The following FLRT1 variants were observed in gnomAD, a reference collection of about 807,000 sequenced individuals.
FLRT1 encodes fibronectin leucine rich transmembrane protein 1.
A neutral mutation model predicts 30.9 loss-of-function variants in FLRT1; 14 were observed. The ratio of observed to expected loss-of-function variants is 0.45; its 90% confidence interval spans 0.30 to 0.71. The LOEUF is 0.71. Ranked by LOEUF, FLRT1 falls within the 30% of genes least tolerant of loss-of-function variation. FLRT1 has a pLI of 0.08. For synonymous variants in FLRT1, 368 were observed against 430.4 expected (o/e 0.85, Z 1.80); for missense variants, 737 against 949.2 (o/e 0.78, Z 2.94).
intron 1 of FLRT1, among the ~76,000 whole-genome samples, chr11:64,077,765 G>A (rs1944229665): frequency 6.6e-6 from 1 of 152,232 alleles, no homozygotes; most frequent in African/African-American, 2.4e-5. Flanking sequence ...GGAGTCCCCA[G>A]CCCGTGGCTG....
chr11:64,088,437 G>A (rs544434517), intron 1 of FLRT1, among the ~76,000 whole-genome samples: 2 of 152,326 alleles, frequency 1.3e-5, no homozygotes, highest in East Asian at 1.9e-4. Flanking sequence ...TGTGAGCCCT[G>A]CAGGTGCGGC....
intron 1 of FLRT1, among the ~76,000 whole-genome samples, chr11:64,091,786 GCCCTCCTGA>G (rs1286725670): frequency 6.6e-6 from 1 of 152,178 alleles, no homozygotes; most frequent in Non-Finnish European, 1.5e-5. Flanking sequence ...TCCCACAACA[GCCCTCCTGA>G]CAGTGGGCCA....
In FLRT1 at chr11:64,067,233, C is replaced by A. The variant is rs1461483401; in HGVS notation, c.-1038+31074C>A. 6.6e-6 allele frequency among the ~76,000 whole-genome samples: 1 copy of A among 152,106 alleles called. No individual in the cohort carries two copies. Among genetic ancestry groups the A allele is most frequent in the Admixed American group, 6.5e-5 (1 of 15,272 alleles). On this transcript the variant is annotated intron_variant, in intron 1 of 2. Transcript: ENST00000682287. This position sits in a 1 kb window ranked among gnomAD's most constrained non-coding sequence, Gnocchi z 4.6. ...ATGGGAGGGGTGGGGAGAGGCCTTGCATGGCACCCACTCCCACCTGTGCGG... is the reference window on the plus strand; with the variant it reads ...ATGGGAGGGGTGGGGAGAGGCCTTGAATGGCACCCACTCCCACCTGTGCGG...
chr11:64,046,566 T>C (rs1422831638), intron 1 of FLRT1, among the ~76,000 whole-genome samples: 1 of 152,170 alleles, frequency 6.6e-6, no homozygotes, highest in African/African-American at 2.4e-5. Context: ...TTTTTTTCTT[T>C]TTGAGACGGA....
At chr11:64,106,890 A>T (rs11231697) in intron 2 of FLRT1, among the ~76,000 whole-genome samples, 4,484 of 150,262 alleles carry the variant, frequency 0.03, 189 homozygotes, top group African/African-American at 0.095. Context: ...ATTTTATTTT[A>T]TTTTTTTTTG....
intron 1 of FLRT1, among the ~76,000 whole-genome samples, chr11:64,055,963 G>GA (rs1240966751): frequency 1.3e-5 from 2 of 152,162 alleles, no homozygotes; most frequent in African/African-American, 4.8e-5. Context: ...AGCACCCGGG[G>GA]AGCTCCTGGG....
chr11:64,107,304 G>A (rs1327886450), intron 2 of FLRT1, among the ~76,000 whole-genome samples: 1 of 152,190 alleles, frequency 6.6e-6, no homozygotes, highest in Non-Finnish European at 1.5e-5. Context: ...AATGCCGAGA[G>A]AGAAAGGAAC....
chr11:64,059,636 T>C (rs886238412), intron 1 of FLRT1, among the ~76,000 whole-genome samples: 34 of 152,232 alleles, frequency 2.2e-4, no homozygotes, highest in African/African-American at 7.9e-4. Flanking sequence ...CTTGGATGGA[T>C]GGTGGGCCAG....
At chr11:64,076,013 G>A (rs1380568846) in intron 1 of FLRT1, among the ~76,000 whole-genome samples, 1 of 152,210 alleles carries the variant, frequency 6.6e-6, no homozygotes, top group Non-Finnish European at 1.5e-5. Flanking sequence ...TCAGGCTGGG[G>A]TGAAGGAAGC....
intron 1 of FLRT1, among the ~76,000 whole-genome samples, chr11:64,043,436 A>G (rs1010836983): frequency 6.6e-6 from 1 of 151,982 alleles, no homozygotes; most frequent in Non-Finnish European, 1.5e-5. Context: ...GGAGCAGTGG[A>G]CTCTAAACGC....
chr11:64,101,371 A>T (rs1944667801), intron 1 of FLRT1, among the ~76,000 whole-genome samples: 1 of 152,178 alleles, frequency 6.6e-6, no homozygotes, highest in Non-Finnish European at 1.5e-5. Flanking sequence ...TGAACACACC[A>T]GTGGGATGAA....
At chr11:64,063,202 C>T (rs1021088372) in intron 1 of FLRT1, among the ~76,000 whole-genome samples, 25 of 152,066 alleles carry the variant, frequency 1.6e-4, no homozygotes, top group African/African-American at 6.0e-4. Context: ...GCTTAGGGTA[C>T]ACAGAGAGGT....
chr11:64,062,776 G>C (rs191002280), intron 1 of FLRT1, among the ~76,000 whole-genome samples: 2 of 152,282 alleles, frequency 1.3e-5, no homozygotes, highest in African/African-American at 4.8e-5. Flanking sequence ...AGGCCGGGCA[G>C]GTCTGGGGTG....
intron 2 of FLRT1, among the ~76,000 whole-genome samples, chr11:64,112,389 C>G (rs1026182997): frequency 6.6e-6 from 1 of 152,108 alleles, no homozygotes; most frequent in Non-Finnish European, 1.5e-5. Flanking sequence ...TGGTGCACAC[C>G]TGTAGTCCCA....
chr11:64,053,279 A>T (rs1196661528), intron 1 of FLRT1, among the ~76,000 whole-genome samples: 1 of 152,256 alleles, frequency 6.6e-6, no homozygotes. Flanking sequence ...GTTAGGAGGT[A>T]GTTTTCCTGG....
intron 1 of FLRT1, among the ~76,000 whole-genome samples, chr11:64,056,311 T>G (rs1359452291): frequency 6.6e-6 from 1 of 152,080 alleles, no homozygotes; most frequent in Admixed American, 6.5e-5. Context: ...CCTACACGTT[T>G]TGCTTCCTGC....
Position 64,090,693 on chromosome 11 carries a change from G to A in FLRT1, c.-1037-12501G>A, listed in dbSNP as rs1394232723. Among the ~76,000 whole-genome samples the A allele has an allele frequency of 2.0e-5, 3 of 152,030 alleles. No homozygotes were observed. The highest frequency in any genetic ancestry group is 7.3e-5 in the African/African-American group (3 of 41,374). On this transcript the variant is annotated intron_variant, in intron 1 of 2. Transcript: ENST00000682287. This position sits in a 1 kb window ranked among gnomAD's most constrained non-coding sequence, Gnocchi z 4.7. The stretch of plus-strand genomic sequence containing the variant: ...CAGACCACTTCTCTGAGGCGGGGAC[G>A]TCCCAAGACTAAAATGGGGGCAGGG...
At chr11:64,045,771 G>A (rs1034253915) in intron 1 of FLRT1, among the ~76,000 whole-genome samples, 4 of 152,220 alleles carry the variant, frequency 2.6e-5, no homozygotes, top group Non-Finnish European at 5.9e-5. Flanking sequence ...TGGGGGATGA[G>A]AAGGAATTCA....
chr11:64,087,351 C>A (rs925502418), intron 1 of FLRT1, among the ~76,000 whole-genome samples: 1 of 152,022 alleles, frequency 6.6e-6, no homozygotes, highest in African/African-American at 2.4e-5. Flanking sequence ...AACCCTGCCA[C>A]CCCTGCCACC....
Sources: allele counts gnomAD v4.1 joint callset (sites outside exome capture counted in the v4.1 genomes callset), GRCh38; gene constraint gnomAD v4.1.1; non-coding constraint Gnocchi (gnomAD v3.1); transcripts MANE v1.5; gene names NCBI Gene and HGNC (gene_info 2026-07-23, HGNC 2026-07-21).